Variants in ZNF609 observed in about 807,000 individuals in gnomAD.
The protein encoded by ZNF609 is zinc finger protein 609.
Under a neutral mutation model 109.5 loss-of-function variants are expected in ZNF609, and 11 were observed. The observed-to-expected ratio is 0.10, with a 90% CI of 0.06 to 0.17. ZNF609 has a LOEUF of 0.17. ZNF609 is among the 10% of genes least tolerant of loss of function. The pLI is 1.00. For synonymous variants in ZNF609, 646 were observed against 662.0 expected (o/e 0.98, Z 0.37); for missense variants, 1,559 against 1,772.4 (o/e 0.88, Z 2.16).
chr15:64,465,464 C>T (rs971066030), intron 1 of ZNF609, among the ~76,000 whole-genome samples: 2 of 152,118 alleles, frequency 1.3e-5, no homozygotes, highest in Non-Finnish European at 2.9e-5. Context: ...TCACTGCAAC[C>T]TCTGCCTCCC....
At chr15:64,537,200 G>A (rs531825768) in intron 2 of ZNF609, among the ~76,000 whole-genome samples, 86 of 149,832 alleles carry the variant, frequency 5.7e-4, no homozygotes, top group African/African-American at 2.0e-3. Context: ...TCCAGCCTGG[G>A]TAACAGAGTG....
rs1159627300 is a variant in ZNF609 at position 64,682,147 on chromosome 15, TA to T, written c.*462del. 2 of 152,410 alleles carry T rather than the reference TA, an allele frequency of 1.3e-5. No homozygotes were observed. The highest frequency in any genetic ancestry group is 2.9e-5 in the Non-Finnish European group (2 of 68,042). 9.4% of individuals were successfully genotyped at this position (152,410 alleles called of 1,614,324 possible). ...CAGCAGCCATACCCCTCACCATCAT[TA>T]CCACCATCACCAGATTCTGCATCTC... is the stretch of plus-strand genomic sequence containing the variant. On this transcript the variant is annotated 3_prime_UTR_variant, in exon 10 of 10. Coordinates refer to ENST00000326648, the MANE Select transcript of ZNF609 (RefSeq NM_015042.2).
rs756046313 is a variant in ZNF609 at position 64,595,482 on chromosome 15, G to A, written c.748-27345G>A. On this transcript the variant is annotated intron_variant, in intron 2 of 9. Coordinates refer to ENST00000326648, the MANE Select transcript of ZNF609 (RefSeq NM_015042.2). Reference sequence around the variant, plus strand: ...AGAGGGAGGGTTTGAAATTGGGCCCGAAGACATCATTTGAGCCCGTACATC... The same window carrying A: ...AGAGGGAGGGTTTGAAATTGGGCCCAAAGACATCATTTGAGCCCGTACATC... Among the ~76,000 whole-genome samples the A allele has an allele frequency of 6.6e-5, 10 of 152,138 alleles. No homozygotes were observed. The East Asian group carries it at 1.5e-3, about 23-fold the overall frequency.
At chr15:64,491,107 T>A (rs1466390031) in intron 1 of ZNF609, among the ~76,000 whole-genome samples, 2 of 152,222 alleles carry the variant, frequency 1.3e-5, no homozygotes, top group Admixed American at 1.3e-4. Flanking sequence ...CTTGAGGAGA[T>A]GACACAGTTC....
chr15:64,504,644 T>G (rs1236111062), intron 2 of ZNF609, among the ~76,000 whole-genome samples: 1 of 151,612 alleles, frequency 6.6e-6, no homozygotes, highest in East Asian at 1.9e-4. Context: ...TAGTTTTTTT[T>G]TTTTTTTTTT....
At chr15:64,614,424 T>C (rs527557762) in intron 2 of ZNF609, among the ~76,000 whole-genome samples, 1 of 151,782 alleles carries the variant, frequency 6.6e-6, no homozygotes, top group African/African-American at 2.4e-5. Context: ...TTAGTAGAGA[T>C]GGGGTTTCAC....
chr15:64,483,899 A>G (rs1596379597), intron 1 of ZNF609, among the ~76,000 whole-genome samples: 1 of 152,132 alleles, frequency 6.6e-6, no homozygotes, highest in East Asian at 1.9e-4. Flanking sequence ...TCCCAATGTT[A>G]TTACACATCT....
chr15:64,609,112 C>A (rs937272772), intron 2 of ZNF609, among the ~76,000 whole-genome samples: 2 of 34,630 alleles, frequency 5.8e-5, no homozygotes, highest in African/African-American at 1.2e-4. Flanking sequence ...TTCTTTCTTT[C>A]TTTCTTTCTT....
At chr15:64,669,181 A>T (rs2038335242) in intron 3 of ZNF609, among the ~76,000 whole-genome samples, 2 of 152,180 alleles carry the variant, frequency 1.3e-5, no homozygotes, top group African/African-American at 4.8e-5. Context: ...AACTCCAAAT[A>T]CAAGTGCACT....
chr15:64,463,432 A>G (rs1892971428), intron 1 of ZNF609, among the ~76,000 whole-genome samples: 1 of 152,058 alleles, frequency 6.6e-6, no homozygotes, highest in Non-Finnish European at 1.5e-5. Flanking sequence ...GGGCCTGGAA[A>G]AGAGGTTTCC....
intron 1 of ZNF609, among the ~76,000 whole-genome samples, chr15:64,469,655 C>T (rs1893067234): frequency 1.3e-5 from 2 of 151,966 alleles, no homozygotes; most frequent in South Asian, 2.1e-4. Context: ...GTTTTGTAGC[C>T]TCATTCTGCA....
At chr15:64,523,900 G>A (rs112990972) in intron 2 of ZNF609, among the ~76,000 whole-genome samples, 4,430 of 151,878 alleles carry the variant, frequency 0.029, 231 homozygotes, top group African/African-American at 0.099. Flanking sequence ...TGGCTTTAAT[G>A]TTCCTGCCTT....
At chr15:64,679,965 G>A (rs1389588320) in intron 6 of ZNF609, among the ~76,000 whole-genome samples, 1 of 152,180 alleles carries the variant, frequency 6.6e-6, no homozygotes, top group Non-Finnish European at 1.5e-5. Context: ...ATGGAAGTTG[G>A]AAGCAGGAAA....
chr15:64,573,429 A>G (rs963289015), intron 2 of ZNF609, among the ~76,000 whole-genome samples: 1 of 125,602 alleles, frequency 8.0e-6, no homozygotes, highest in Non-Finnish European at 1.6e-5. Flanking sequence ...ATCTTGGCTC[A>G]CTGCAAGCTC....
intron 2 of ZNF609, among the ~76,000 whole-genome samples, chr15:64,556,403 G>A (rs994969725): frequency 6.6e-6 from 1 of 152,048 alleles, no homozygotes; most frequent in Admixed American, 6.6e-5. Context: ...CAAGTGCTAG[G>A]ATTACAGGCA....
At chr15:64,654,825 G>A (rs547209303) in intron 3 of ZNF609, among the ~76,000 whole-genome samples, 8 of 152,250 alleles carry the variant, frequency 5.3e-5, no homozygotes, top group South Asian at 2.1e-4. Context: ...GGCCGGGCAC[G>A]GTGGCTCACG....
chr15:64,582,400 A>G (rs917665368), intron 2 of ZNF609, among the ~76,000 whole-genome samples: 1 of 152,130 alleles, frequency 6.6e-6, no homozygotes, highest in African/African-American at 2.4e-5. Context: ...TTCTACTTTC[A>G]CAACACCCTT....
chr15:64,546,786 TTTC>T lies in ZNF609; in HGVS notation c.747+46623_747+46625del, dbSNP rs1395894997. ...ACAACAACCCAGCCAGTTTTTCATG[TTTC>T]TTTTTTTTTTTTTTTTTTTGAGACA... is the stretch of plus-strand genomic sequence containing the variant. On this transcript the variant is annotated intron_variant, in intron 2 of 9. Coordinates refer to ENST00000326648, the MANE Select transcript of ZNF609 (RefSeq NM_015042.2). Among the ~76,000 whole-genome samples, 4 of 144,580 alleles carry T rather than the reference TTTC, an allele frequency of 2.8e-5. No homozygotes were observed. In the East Asian group the frequency reaches 7.9e-4, roughly 28 times the overall value. The allele number at this position is 144,580 out of a possible 152,430, so 94.9% of individuals were successfully genotyped here. A position where few individuals can be genotyped will look rare whatever the true frequency, so the allele number is the denominator to read the frequency against.
chr15:64,473,191 CTTTTTT>C (rs951319279), intron 1 of ZNF609, among the ~76,000 whole-genome samples: 1 of 76,076 alleles, frequency 1.3e-5, no homozygotes, highest in African/African-American at 6.5e-5. Flanking sequence ...ATATTTGGTT[CTTTTTT>C]TTTTTTTTTT....
Sources: allele counts gnomAD v4.1 joint callset (sites outside exome capture counted in the v4.1 genomes callset), GRCh38; gene constraint gnomAD v4.1.1; transcripts MANE v1.5; gene names NCBI Gene and HGNC (gene_info 2026-07-23, HGNC 2026-07-21).